The following ERC2 variants were observed in gnomAD, a reference collection of about 807,000 sequenced individuals.
ERC2 encodes the protein ERC protein 2.
In ERC2, 42 loss-of-function variants were observed where a neutral mutation model predicts 114.8. That is an observed-to-expected ratio of 0.37 (90% confidence interval 0.29 to 0.47). The LOEUF (loss-of-function observed/expected upper bound fraction) is 0.47, where lower values mean the gene tolerates loss of function less well. Among genes scored for constraint, ERC2 ranks in the 20% least tolerant of loss-of-function variants. ERC2 has a pLI of 0.99. For missense variants in ERC2, 939 were observed against 1,150.7 expected, an observed-to-expected ratio of 0.82 and a Z score of 2.66; for synonymous variants, 454 against 425.5, an observed-to-expected ratio of 1.07 and a Z score of -0.82.
intron 17 of ERC2, among the ~76,000 whole-genome samples, chr3:55,640,140 T>C (rs1334510662): frequency 1.3e-5 from 2 of 152,182 alleles, no homozygotes; most frequent in African/African-American, 2.4e-5. Flanking sequence ...GCTGTGTTAG[T>C]GCAGCCACAC....
At chr3:55,991,968 T>C (rs562955200) in intron 11 of ERC2, 89 bp downstream of exon 11, 2 of 1,142,682 alleles carry the variant, frequency 1.8e-6, no homozygotes, top group Non-Finnish European at 1.3e-6. Flanking sequence ...AATATGAATG[T>C]ACAGTCCAAA....
intron 16 of ERC2, among the ~76,000 whole-genome samples, chr3:55,697,492 A>G (rs577230922): frequency 1.3e-5 from 2 of 152,218 alleles, no homozygotes; most frequent in Non-Finnish European, 2.9e-5. Flanking sequence ...GTGGACAAAC[A>G]TAAGAGTCAG....
chr3:56,385,087 A>G (rs1320031809), intron 2 of ERC2, among the ~76,000 whole-genome samples: 1 of 152,170 alleles, frequency 6.6e-6, no homozygotes, highest in East Asian at 1.9e-4. Flanking sequence ...AATAGATTCC[A>G]CCAGTAAGGA....
At chr3:56,338,144 CAGTT>C (rs1436405975) in intron 2 of ERC2, among the ~76,000 whole-genome samples, 2 of 152,234 alleles carry the variant, frequency 1.3e-5, no homozygotes, top group African/African-American at 4.8e-5. Flanking sequence ...GTCAGAGTAA[CAGTT>C]AGCTTTGAGG....
At chr3:55,787,465 T>C (rs1334237333) in intron 14 of ERC2, among the ~76,000 whole-genome samples, 2 of 152,148 alleles carry the variant, frequency 1.3e-5, no homozygotes, top group Non-Finnish European at 2.9e-5. Flanking sequence ...GTAGGGTTGT[T>C]ATGAAAAATA....
chr3:56,388,234 T>C (rs2060003946), intron 2 of ERC2, among the ~76,000 whole-genome samples: 1 of 152,152 alleles, frequency 6.6e-6, no homozygotes, highest in African/African-American at 2.4e-5. Context: ...TGGGAGGTGC[T>C]TGGATCATGG....
At chr3:55,838,128 T>G (rs1378936242) in intron 14 of ERC2, among the ~76,000 whole-genome samples, 1 of 152,012 alleles carries the variant, frequency 6.6e-6, no homozygotes, top group South Asian at 2.1e-4. Flanking sequence ...ACTTTAACAC[T>G]TCTCTCTCAA....
chr3:55,734,202 G>A (rs937474604), intron 15 of ERC2, among the ~76,000 whole-genome samples: 18 of 152,144 alleles, frequency 1.2e-4, no homozygotes, highest in African/African-American at 1.9e-4. Flanking sequence ...GCAAACAGGT[G>A]ATTTTTTAAA....
At chr3:56,126,827 A>AAAGGAAAGGAAAGG in intron 6 of ERC2, among the ~76,000 whole-genome samples, 1 of 149,876 alleles carries the variant, frequency 6.7e-6, no homozygotes. Flanking sequence ...AAAGGAAAGG[A>AAAGGAAAGGAAAGG]AAGGAAAGGA....
intron 7 of ERC2, among the ~76,000 whole-genome samples, chr3:56,043,980 G>C (rs2075331365): frequency 6.6e-6 from 1 of 152,038 alleles, no homozygotes; most frequent in Admixed American, 6.6e-5. Flanking sequence ...TCACTTTCTT[G>C]GCCACTGTCT....
chr3:56,254,099 C>T (rs1285978926), intron 3 of ERC2, among the ~76,000 whole-genome samples: 3 of 152,202 alleles, frequency 2.0e-5, no homozygotes, highest in Non-Finnish European at 4.4e-5. Context: ...AGGGCTAGCG[C>T]CCAAGTTTCA....
At chr3:55,544,459 C>T (rs1420582659) in intron 17 of ERC2, among the ~76,000 whole-genome samples, 2 of 152,066 alleles carry the variant, frequency 1.3e-5, no homozygotes, top group African/African-American at 4.8e-5. Flanking sequence ...GAGGCCAAAT[C>T]CTTCTCCACC....
At chr3:56,160,637 T>C (rs988447702) in intron 4 of ERC2, among the ~76,000 whole-genome samples, 4 of 152,200 alleles carry the variant, frequency 2.6e-5, no homozygotes, top group African/African-American at 9.6e-5. Context: ...TTAATCCATC[T>C]TGAATTAAGC....
chr3:56,148,611 T>C (rs926463266), intron 5 of ERC2, among the ~76,000 whole-genome samples: 1 of 152,188 alleles, frequency 6.6e-6, no homozygotes, highest in Non-Finnish European at 1.5e-5. Context: ...ACAATCACCT[T>C]CTAGGAGAGG....
chr3:56,086,582 A>C (rs1576873755), intron 6 of ERC2, among the ~76,000 whole-genome samples: 1 of 151,832 alleles, frequency 6.6e-6, no homozygotes, highest in East Asian at 1.9e-4. Flanking sequence ...CAAGTATGAC[A>C]TCATCTCTAA....
intron 3 of ERC2, among the ~76,000 whole-genome samples, chr3:56,213,798 G>A (rs1482739790): frequency 6.6e-6 from 1 of 152,092 alleles, no homozygotes; most frequent in Non-Finnish European, 1.5e-5. Flanking sequence ...ATACAGCCGG[G>A]TACTCCTCTC....
chr3:55,790,166 G>C (rs2069878059), intron 14 of ERC2, among the ~76,000 whole-genome samples: 1 of 152,098 alleles, frequency 6.6e-6, no homozygotes, highest in South Asian at 2.1e-4. Context: ...GGGCTTTGGG[G>C]AGCTGACCTC....
intron 14 of ERC2, among the ~76,000 whole-genome samples, chr3:55,761,038 C>G (rs1318568369): frequency 1.3e-5 from 2 of 152,192 alleles, no homozygotes; most frequent in African/African-American, 2.4e-5. Flanking sequence ...CTTGTTCATT[C>G]TGTGATGCAG....
intron 15 of ERC2, among the ~76,000 whole-genome samples, chr3:55,717,099 C>T (rs1472242595): frequency 6.6e-6 from 1 of 152,174 alleles, no homozygotes; most frequent in Non-Finnish European, 1.5e-5. Flanking sequence ...GATGTTAAAA[C>T]AGAGTCAGGT....
Sources: gnomAD v4.1 joint callset for allele counts (sites outside exome capture counted in the v4.1 genomes callset) on GRCh38, gnomAD v4.1.1 for gene constraint, MANE v1.5 for transcripts, NCBI Gene and HGNC (gene_info 2026-07-23, HGNC 2026-07-21) for gene names.